Variants in GNG4 observed in about 807,000 individuals in gnomAD.
GNG4 encodes the protein G protein subunit gamma 4.
In GNG4, 4 loss-of-function variants were observed where a neutral mutation model predicts 5.8. The observed-to-expected ratio is 0.69, with a 90% CI of 0.34 to 1.57. The LOEUF (loss-of-function observed/expected upper bound fraction) is 1.57, where lower values mean the gene tolerates loss of function less well. GNG4 is among the 40% of genes most tolerant of loss of function. The pLI is 0.06. For missense variants in GNG4, 96 were observed against 95.1 expected (o/e 1.01, Z -0.04); for synonymous variants, 29 against 32.9 (o/e 0.88, Z 0.41).
At chr1:235,645,041 C>T (rs989659100) in intron 1 of GNG4, among the ~76,000 whole-genome samples, 1 of 152,200 alleles carries the variant, frequency 6.6e-6, no homozygotes, top group Non-Finnish European at 1.5e-5. Context: ...GTAGCCCTTT[C>T]CAAGGTGTGT....
chr1:235,619,367 G>A (rs143894480), intron 1 of GNG4, among the ~76,000 whole-genome samples: 6 of 151,572 alleles, frequency 4.0e-5, no homozygotes, highest in Non-Finnish European at 5.9e-5. Flanking sequence ...ACTGCACTCC[G>A]GCCTGGGTGA....
intron 1 of GNG4, chr1:235,614,903 G>C (rs1571914233): frequency 6.6e-6 from 1 of 152,418 alleles, no homozygotes; most frequent in South Asian, 2.1e-4. Flanking sequence ...GGTGGGATAA[G>C]GTCACTGAGC....
At chr1:235,600,129 T>TTTTTTTA (rs1289825136) in intron 1 of GNG4, among the ~76,000 whole-genome samples, 7 of 113,108 alleles carry the variant, frequency 6.2e-5, no homozygotes, top group African/African-American at 2.0e-4. Context: ...TTTTTTTTTT[T>TTTTTTTA]AGACAGGCAG....
In GNG4 at chr1:235,579,444, AC is replaced by A. The variant is rs200896661; in HGVS notation, c.99+4295del. ...AAAGTAAATACATTAATAAAAAAAA[AC>A]CCAGAAAACAAGTGCTGGTCAGGAT... On this transcript the variant is annotated intron_variant, in intron 3 of 3. Coordinates refer to ENST00000391854, the MANE Select transcript of GNG4 (RefSeq NM_001098722.2). Among the ~76,000 whole-genome samples the A allele has an allele frequency of 5.3e-5, 8 of 151,404 alleles. No individual in the cohort carries two copies. In the South Asian group the frequency reaches 6.3e-4, roughly 12 times the overall value.
intron 2 of GNG4, among the ~76,000 whole-genome samples, chr1:235,587,882 G>T (rs1687861194): frequency 6.6e-6 from 1 of 150,532 alleles, no homozygotes; most frequent in African/African-American, 2.5e-5. Flanking sequence ...GGGTGTGGGG[G>T]GTGTGTTTGT....
intron 1 of GNG4, among the ~76,000 whole-genome samples, chr1:235,613,447 G>A (rs954003661): frequency 3.3e-5 from 5 of 152,204 alleles, no homozygotes; most frequent in Admixed American, 6.5e-5. Flanking sequence ...CCTTAAGACA[G>A]GCAGGTTATC....
intron 3 of GNG4, among the ~76,000 whole-genome samples, chr1:235,581,553 TTC>T (rs893834488): frequency 2.0e-5 from 3 of 150,114 alleles, no homozygotes; most frequent in Non-Finnish European, 4.4e-5. Context: ...CGCCTCCCCC[TTC>T]TCTCTCTTTC....
intron 2 of GNG4, among the ~76,000 whole-genome samples, chr1:235,591,190 G>C (rs138324888): frequency 6.6e-6 from 1 of 152,276 alleles, no homozygotes; most frequent in East Asian, 1.9e-4. Flanking sequence ...AGCAGGAGTG[G>C]AAGGAAGCAC....
rs1329690852 is a variant in GNG4, at chr1:235,550,218, TC to T, written c.*1890del. On this transcript the variant is annotated 3_prime_UTR_variant, in exon 4 of 4. Transcript: ENST00000391854. ...CGATGTCTAGCCTTTCCTTGGGGCA[TC>T]CATGAATCACCTTCCTTAAACTACC... 6.6e-6 allele frequency: 1 copy of T among 152,228 alleles called. No individual in the cohort carries two copies. The highest frequency in any genetic ancestry group is 2.4e-5 in the African/African-American group (1 of 41,452). The allele number at this position is 152,228 out of a possible 1,614,324, so 9.4% of individuals were successfully genotyped here.
chr1:235,601,408 G>A (rs1311726769), intron 1 of GNG4, among the ~76,000 whole-genome samples: 3 of 152,134 alleles, frequency 2.0e-5, no homozygotes, highest in African/African-American at 7.2e-5. Context: ...ATTCTTATGA[G>A]GGAGGCGCCC....
chr1:235,552,036 G>A lies in GNG4; in HGVS notation c.*73C>T. On this transcript the variant is annotated 3_prime_UTR_variant, in exon 4 of 4. Coordinates refer to ENST00000391854, the MANE Select transcript of GNG4 (RefSeq NM_001098722.2). The stretch of plus-strand genomic sequence containing the variant: ...GATGGGTGTTGGTCTCACTCCCTAA[G>A]GCTTAGAGCATGCATGGTCTCTACA... 3 of 1,411,168 alleles carry A rather than the reference G, an allele frequency of 2.1e-6. No individual in the cohort carries two copies. Among genetic ancestry groups the A allele is most frequent in the Non-Finnish European group, 3.0e-6 (3 of 999,626 alleles). 87.4% of individuals were successfully genotyped at this position (1,411,168 alleles called of 1,614,324 possible).
At chr1:235,614,254 C>T (rs979212089) in intron 1 of GNG4, among the ~76,000 whole-genome samples, 2 of 151,646 alleles carry the variant, frequency 1.3e-5, no homozygotes, top group African/African-American at 2.4e-5. Flanking sequence ...AGTGATGTTC[C>T]GTCTTTCATT....
At chr1:235,589,306 A>C (rs1012678850) in intron 2 of GNG4, among the ~76,000 whole-genome samples, 3 of 152,144 alleles carry the variant, frequency 2.0e-5, no homozygotes, top group African/African-American at 7.2e-5. Context: ...AGCACAGTTC[A>C]GCTCGTGCCC....
rs147278156 is a variant in GNG4 at position 235,619,539 on chromosome 1, A to G, written c.-122-24028T>C. 1.1e-4 allele frequency among the ~76,000 whole-genome samples: 17 copies of G among 152,350 alleles called. No individual in the cohort carries two copies. In the South Asian group the frequency reaches 1.9e-3, roughly 17 times the overall value. On this transcript the variant is annotated intron_variant, in intron 1 of 3. Transcript: ENST00000391854. ...CTCCTTATCTTGCCTGTTGACTTCA[A>G]TAGATTTGAGAATAGGCTGAAGAGG...
At chr1:235,572,654 C>T (rs772398798) in intron 3 of GNG4, among the ~76,000 whole-genome samples, 16 of 151,862 alleles carry the variant, frequency 1.1e-4, no homozygotes, top group Non-Finnish European at 1.8e-4. Flanking sequence ...GGTGCGCCAC[C>T]ATGCCCAGCT....
chr1:235,608,252 A>G (rs1417827017), intron 1 of GNG4, among the ~76,000 whole-genome samples: 3 of 152,140 alleles, frequency 2.0e-5, no homozygotes, highest in African/African-American at 4.8e-5. Context: ...TGCTGTTTCT[A>G]AAGGCTGCTG....
At chr1:235,645,797 CAAAAAAAAA>C (rs6143682) in intron 1 of GNG4, among the ~76,000 whole-genome samples, 1,448 of 90,368 alleles carry the variant, frequency 0.016, 16 homozygotes, top group Non-Finnish European at 0.022. Context: ...AACTCAGTCT[CAAAAAAAAA>C]AAAAAAAAAA....
At chr1:235,609,721 T>C (rs933621248) in intron 1 of GNG4, among the ~76,000 whole-genome samples, 3 of 152,016 alleles carry the variant, frequency 2.0e-5, no homozygotes, top group Non-Finnish European at 4.4e-5. Flanking sequence ...GAGACTAGCC[T>C]GGACAACATG....
chr1:235,595,685 A>G (rs1688106591), intron 1 of GNG4, among the ~76,000 whole-genome samples, 174 bp from the exon 2 acceptor site: 1 of 152,154 alleles, frequency 6.6e-6, no homozygotes, highest in Non-Finnish European at 1.5e-5. Flanking sequence ...AGGCAGACAG[A>G]GAACCCTCAG....
Sources: allele counts gnomAD v4.1 joint callset (sites outside exome capture counted in the v4.1 genomes callset), GRCh38; gene constraint gnomAD v4.1.1; transcripts MANE v1.5; gene names NCBI Gene and HGNC (gene_info 2026-07-23, HGNC 2026-07-21).